ZCCHC2: variants seen among roughly 807,000 people sequenced by gnomAD.
ZCCHC2 encodes zinc finger CCHC domain-containing protein 2.
ZCCHC2 carries 39 observed loss-of-function variants against 103.6 expected under a neutral mutation model. The ratio of observed to expected loss-of-function variants is 0.38; its 90% confidence interval spans 0.29 to 0.49. The LOEUF (loss-of-function observed/expected upper bound fraction) is 0.49. ZCCHC2 is among the 20% of genes least tolerant of loss of function. ZCCHC2 has a pLI of 0.96. For synonymous variants in ZCCHC2, 687 were observed against 608.9 expected, an observed-to-expected ratio of 1.13 and a Z score of -1.89; for missense variants, 1,483 against 1,491.0, an observed-to-expected ratio of 0.99 and a Z score of 0.09.
intron 6 of ZCCHC2, among the ~76,000 whole-genome samples, chr18:62,557,041 A>G (rs1000695073): frequency 3.9e-5 from 6 of 152,122 alleles, no homozygotes; most frequent in Admixed American, 2.0e-4. Flanking sequence ...TTACTTAAAC[A>G]TACATCCTTT....
exon 15 of ZCCHC2, chr18:62,585,493 C>T (rs1270311524): frequency 2.6e-5 from 4 of 152,272 alleles, no homozygotes; most frequent in Non-Finnish European, 4.4e-5. Flanking sequence ...TGAAGAATGC[C>T]ACCAGGCTGC....
At chr18:62,583,315 T>C (rs1346878802), downstream of ZCCHC2, among the ~76,000 whole-genome samples, 1 of 144,748 alleles carries the variant, frequency 6.9e-6, no homozygotes, top group African/African-American at 2.6e-5. Flanking sequence ...TAATGGTATG[T>C]ATGGACTGTA....
At chr18:62,534,731 G>A (rs975739348) in intron 1 of ZCCHC2, among the ~76,000 whole-genome samples, 12 of 152,172 alleles carry the variant, frequency 7.9e-5, no homozygotes, top group African/African-American at 2.2e-4. Flanking sequence ...AATGGGAGAC[G>A]GCATGGTCAC....
At chr18:62,548,382 C>G (rs1345074984) in intron 4 of ZCCHC2, among the ~76,000 whole-genome samples, 2 of 152,056 alleles carry the variant, frequency 1.3e-5, no homozygotes, top group Non-Finnish European at 2.9e-5. Context: ...TGCAGTCTGC[C>G]CAGCAACGTG....
chr18:62,523,295 GC>G lies in ZCCHC2; in HGVS notation c.-126del. ...CCTCGCCGGCCGAGACCCGCCCCCG[GC>G]CCCGGCCCTCCCCCGGCGGCATGGA... On this transcript the variant is annotated 5_prime_UTR_variant, in exon 1 of 14. Transcript: ENST00000269499. The G allele has an allele frequency of 4.6e-6, 4 of 874,466 alleles. No individual in the cohort carries two copies. Among genetic ancestry groups the G allele is most frequent in the Non-Finnish European group, 5.5e-6 (4 of 730,072 alleles). The allele number at this position is 874,466 out of a possible 1,614,324, so 54.2% of individuals were successfully genotyped here. A position where few individuals can be genotyped will look rare whatever the true frequency, so the allele number is the denominator to read the frequency against.
At chr18:62,547,177 T>G (rs1915449820) in intron 4 of ZCCHC2, among the ~76,000 whole-genome samples, 1 of 151,886 alleles carries the variant, frequency 6.6e-6, no homozygotes, top group South Asian at 2.1e-4. Flanking sequence ...ATACAAAAAA[T>G]TAGCCAGGCA....
rs1157078071 is a variant in ZCCHC2, at chr18:62,574,786, T to C, written c.2705T>C (p.Leu902Pro). ...CAGCCTACCAATGTGAAGGTAGTTC[T>C]TCCAGCAGCTGGCCTCTCAGCTGCT... is the stretch of plus-strand genomic sequence containing the variant. ...VPQPTNVKVV[L>P]PAAGLSAAQP... is the part of the protein sequence containing the mutation. Residue 902 changes from leucine to proline, a missense_variant, in exon 13 of 14, where the codon CTT becomes CCT. Physicochemically the swap from Leu to Pro is moderately conservative, Grantham distance 98. This residue lies in a region of ZCCHC2 where 884 missense variants were observed against 907.5 expected (regional missense o/e 0.97). Transcript: ENST00000269499. 5 of 1,613,884 alleles carry C rather than the reference T, an allele frequency of 3.1e-6. No individual in the cohort carries two copies. The African/African-American group carries it at 6.7e-5, about 22-fold the overall frequency.
At chr18:62,556,450 A>C (rs543790569) in intron 6 of ZCCHC2, among the ~76,000 whole-genome samples, 153 bp downstream of exon 6, 1 of 152,336 alleles carries the variant, frequency 6.6e-6, no homozygotes, top group Non-Finnish European at 1.5e-5. Flanking sequence ...TTTACACTGC[A>C]GTTTTAAAGA....
intron 11 of ZCCHC2, among the ~76,000 whole-genome samples, chr18:62,566,746 ATG>A (rs760424693): frequency 8.5e-5 from 13 of 152,214 alleles, no homozygotes; most frequent in Non-Finnish European, 1.9e-4. Context: ...TTTATTAAGC[ATG>A]TGACCTCTCT....
intron 4 of ZCCHC2, among the ~76,000 whole-genome samples, chr18:62,548,821 A>G (rs1345074200): frequency 6.6e-6 from 1 of 152,186 alleles, no homozygotes; most frequent in African/African-American, 2.4e-5. Flanking sequence ...GGTACTCAGG[A>G]GGCCAAGGCA....
At chr18:62,560,706 T>C (rs527867778) in intron 8 of ZCCHC2, 62 bp downstream of exon 8, 19,631 of 1,295,382 alleles carry the variant, frequency 0.015, 192 homozygotes, top group Non-Finnish European at 0.018. Context: ...ATGTAACATT[T>C]AATTAAATTT....
At chr18:62,559,312 G>A (rs8084879) in intron 7 of ZCCHC2, among the ~76,000 whole-genome samples, 116,924 of 152,192 alleles carry the variant, frequency 0.77, 46,108 homozygotes, top group East Asian at 1. Context: ...AAAAGTCAAT[G>A]AGACAATCAT....
Position 62,523,223 on chromosome 18 carries a change from A to C in ZCCHC2, c.-202A>C. 4.3e-6 allele frequency: 1 copy of C among 231,110 alleles called. No homozygotes were observed. The highest frequency in any genetic ancestry group is 7.0e-6 in the Non-Finnish European group (1 of 142,284). 14.3% of individuals were successfully genotyped at this position (231,110 alleles called of 1,614,324 possible). On this transcript the variant is annotated 5_prime_UTR_variant, in exon 1 of 14. Coordinates refer to ENST00000269499, the MANE Select transcript of ZCCHC2 (RefSeq NM_017742.6). ...GCCGTCGCGGGCACGCCCCGCCCCCAGCCCGGGAAGACGACGCCAGCGACC... is the reference window on the plus strand; with the variant it reads ...GCCGTCGCGGGCACGCCCCGCCCCCCGCCCGGGAAGACGACGCCAGCGACC...
intron 11 of ZCCHC2, among the ~76,000 whole-genome samples, chr18:62,567,917 C>T (rs1466134777): frequency 9.0e-6 from 1 of 110,872 alleles, no homozygotes; most frequent in Non-Finnish European, 1.7e-5. Context: ...TGTACTCCAG[C>T]CGGGGCGACA....
chr18:62,581,975 C>T (rs1373253907), downstream of ZCCHC2: 5 of 156,340 alleles, frequency 3.2e-5, no homozygotes, highest in Non-Finnish European at 5.7e-5. Context: ...GGGAAGGGGA[C>T]GCAGGCTGGG....
chr18:62,580,325 T>C (rs1465174701), downstream of ZCCHC2, among the ~76,000 whole-genome samples: 1 of 152,256 alleles, frequency 6.6e-6, no homozygotes, highest in East Asian at 1.9e-4. Context: ...AACATTGTTG[T>C]CCCTGGTTCG....
Position 62,532,509 on chromosome 18 carries a change from T to C in ZCCHC2, c.940-7172T>C, listed in dbSNP as rs561339584. ...TACTATCTTTTCTTTGAGTGACTGA[T>C]GGACCCTGGCCTCTAATAGGCCTTT... is the stretch of plus-strand genomic sequence containing the variant. On this transcript the variant is annotated intron_variant, in intron 1 of 13. Coordinates refer to ENST00000269499, the MANE Select transcript of ZCCHC2 (RefSeq NM_017742.6). 3.3e-5 allele frequency among the ~76,000 whole-genome samples: 5 copies of C among 152,368 alleles called. No individual in the cohort carries two copies. In the South Asian group the frequency reaches 1.0e-3, roughly 32 times the overall value.
At chr18:62,564,789 G>T (rs544577009) in intron 10 of ZCCHC2, among the ~76,000 whole-genome samples, 154 bp downstream of exon 10, 1 of 151,616 alleles carries the variant, frequency 6.6e-6, no homozygotes, top group Admixed American at 6.6e-5. Context: ...ATATATGCAG[G>T]TGATAAAAAT....
Position 62,575,493 on chromosome 18 carries a change from G to A in ZCCHC2, c.3412G>A (p.Val1138Ile), listed in dbSNP as rs1916805458. 1 of 1,614,048 alleles carries A rather than the reference G, an allele frequency of 6.2e-7. No homozygotes were observed. The highest frequency in any genetic ancestry group is 8.5e-7 in the Non-Finnish European group (1 of 1,179,904). ...NGNVSCYNCG[V>I]SGHYAQDCKQ... ...GAATGTCTCATGTTACAATTGTGGTGTAAGCGGACACTATGCACAGGACTG... is the reference window on the plus strand; with the variant it reads ...GAATGTCTCATGTTACAATTGTGGTATAAGCGGACACTATGCACAGGACTG... The change falls in exon 13 of 14, where the codon GTA (valine) becomes ATA (isoleucine). Residue 1138 changes from valine (V) to isoleucine (I), a missense_variant. Val to Ile is a conservative substitution (Grantham distance 29). This residue lies in a region of ZCCHC2 where 884 missense variants were observed against 907.5 expected (regional missense o/e 0.97). Transcript: ENST00000269499.
Sources: gnomAD v4.1 joint callset for allele counts (sites outside exome capture counted in the v4.1 genomes callset) on GRCh38, gnomAD v4.1.1 for gene constraint, gnomAD v4.1.1 regional missense constraint, MANE v1.5 for transcripts, NCBI Gene and HGNC (gene_info 2026-07-23, HGNC 2026-07-21) for gene names.